CCDC73: variants seen among roughly 807,000 people sequenced by gnomAD.
CCDC73 encodes the protein coiled-coil domain-containing protein 73.
In CCDC73, 95 loss-of-function variants were observed where a neutral mutation model predicts 116.5. The observed-to-expected ratio is 0.82, with a 90% CI of 0.69 to 0.97. The LOEUF (loss-of-function observed/expected upper bound fraction) is 0.97. CCDC73 is among the 50% of genes least tolerant of loss of function. The pLI, the probability that CCDC73 is intolerant of heterozygous loss-of-function variation, is 0.00. For missense variants in CCDC73, 1,066 were observed against 1,206.8 expected (o/e 0.88, Z 1.73); for synonymous variants, 398 against 401.3 (o/e 0.99, Z 0.10).
chr11:32,775,742 T>C (rs994268686), intron 1 of CCDC73, among the ~76,000 whole-genome samples: 1 of 152,192 alleles, frequency 6.6e-6, no homozygotes, highest in African/African-American at 2.4e-5. Context: ...AATCTGTTAA[T>C]AGGTAGCTAT....
rs965130491 is a variant in CCDC73 at position 32,657,307 on chromosome 11, T to C, written c.646-2335A>G. Among the ~76,000 whole-genome samples the C allele has an allele frequency of 9.8e-5, 15 of 152,338 alleles. No individual in the cohort carries two copies. In the East Asian group the frequency reaches 2.9e-3, roughly 29 times the overall value. ...TTAGTTCAAATATCACCTTTGGATA[T>C]GTACACTGCATAAAATGACTGCTAA... On this transcript the variant is annotated intron_variant, in intron 9 of 17. Coordinates refer to ENST00000335185, the MANE Select transcript of CCDC73 (RefSeq NM_001008391.4).
At chr11:32,611,398 G>T (rs1855421217) in intron 16 of CCDC73, 133 bp from the exon 17 acceptor site, 4 of 777,686 alleles carry the variant, frequency 5.1e-6, no homozygotes, top group South Asian at 1.9e-5. Context: ...TGAATATTTT[G>T]CAGTTGTCCT....
At chr11:32,651,247 T>C (rs1855823579) in intron 12 of CCDC73, among the ~76,000 whole-genome samples, 2 of 152,266 alleles carry the variant, frequency 1.3e-5, no homozygotes, top group South Asian at 4.2e-4. Context: ...ATGCACTCAG[T>C]ACCTGGACTG....
the CCDC73 span, among the ~76,000 whole-genome samples, chr11:32,824,193 C>A: frequency 6.6e-6 from 1 of 152,124 alleles, no homozygotes; most frequent in Non-Finnish European, 1.5e-5. Context: ...CCACGCCCAG[C>A]CCCTAAAAAT....
intron 1 of CCDC73, among the ~76,000 whole-genome samples, chr11:32,776,727 C>T (rs1850534918): frequency 6.6e-6 from 1 of 151,530 alleles, no homozygotes; most frequent in African/African-American, 2.4e-5. Context: ...TTCAATATGC[C>T]TCTCCAATGG....
chr11:32,774,881 G>C (rs1850520424), intron 1 of CCDC73, among the ~76,000 whole-genome samples: 1 of 152,102 alleles, frequency 6.6e-6, no homozygotes, highest in Non-Finnish European at 1.5e-5. Context: ...AGTGTGATAA[G>C]CACTAGAACA....
intron 9 of CCDC73, among the ~76,000 whole-genome samples, chr11:32,662,184 C>T (rs1203562362): frequency 3.3e-5 from 5 of 152,188 alleles, no homozygotes; most frequent in African/African-American, 1.2e-4. Context: ...CTTTATAATC[C>T]TTTGGGTATA....
chr11:32,618,822 G>A (rs1321802743), intron 14 of CCDC73, among the ~76,000 whole-genome samples: 1 of 152,146 alleles, frequency 6.6e-6, no homozygotes, highest in Admixed American at 6.5e-5. Context: ...AATGTGCTGG[G>A]ATTACAGGCA....
At chr11:32,722,815 A>AT (rs1850001138) in intron 2 of CCDC73, among the ~76,000 whole-genome samples, 1 of 152,126 alleles carries the variant, frequency 6.6e-6, no homozygotes. Context: ...AGTACTTTTT[A>AT]TTTATTGATT....
In CCDC73 at chr11:32,616,187, G is replaced by A. The variant is rs535469770; in HGVS notation, c.1186-58C>T. On this transcript the variant is annotated intron_variant, in intron 14 of 17. Transcript: ENST00000335185. ...CATTGCCTACAAGTATAAAACATTT[G>A]AGCAAATGTGATAAATGTGGAATCT... 12 of 1,443,120 alleles carry A rather than the reference G, an allele frequency of 8.3e-6. No individual in the cohort carries two copies. The African/African-American group carries it at 8.7e-5, about 11-fold the overall frequency. 89.4% of individuals were successfully genotyped at this position (1,443,120 alleles called of 1,614,324 possible). A position where few individuals can be genotyped will look rare whatever the true frequency, so the allele number is the denominator to read the frequency against.
At chr11:32,729,187 T>A (rs1850054681) in intron 2 of CCDC73, among the ~76,000 whole-genome samples, 1 of 152,166 alleles carries the variant, frequency 6.6e-6, no homozygotes, top group African/African-American at 2.4e-5. Context: ...CCTGCCCTAA[T>A]AGGCTCCAGT....
chr11:32,648,406 T>C (rs913240432), intron 12 of CCDC73, among the ~76,000 whole-genome samples: 8 of 152,238 alleles, frequency 5.3e-5, no homozygotes, highest in African/African-American at 1.4e-4. Flanking sequence ...GACCAGGCAA[T>C]ATCTAAACTT....
At position 32,613,744 on chromosome 11, in the gene CCDC73, G is replaced by A. The variant is rs201555986; in HGVS notation, c.2574C>T (p.Phe858=). Reference sequence around the variant, plus strand: ...GTGATTCCTCCAGCTGTCCTTCACTGAACATTTTTCCTGAAACAATGTCAT... The same window carrying A: ...GTGATTCCTCCAGCTGTCCTTCACTAAACATTTTTCCTGAAACAATGTCAT... ...SLNDIVSGKM[F]SEGQLEESHS... Residue 858 remains phenylalanine, a synonymous_variant, in exon 16 of 18, where the codon TTC becomes TTT. Transcript: ENST00000335185. 692 of 1,613,852 alleles carry A rather than the reference G, an allele frequency of 4.3e-4. 1 individual carries two copies. The highest frequency in any genetic ancestry group is 5.6e-4 in the Non-Finnish European group (664 of 1,179,960).
intron 14 of CCDC73, among the ~76,000 whole-genome samples, chr11:32,631,319 A>G (rs1001183000): frequency 2.0e-5 from 3 of 152,242 alleles, no homozygotes; most frequent in Non-Finnish European, 4.4e-5. Context: ...ATTCACCAAG[A>G]TAGATAATAC....
intron 2 of CCDC73, among the ~76,000 whole-genome samples, chr11:32,735,020 C>G (rs1262629291): frequency 1.3e-5 from 2 of 152,170 alleles, no homozygotes; most frequent in Non-Finnish European, 2.9e-5. Flanking sequence ...GGATGTATCT[C>G]AAAATAATAA....
At chr11:32,809,695 T>C in the CCDC73 span, among the ~76,000 whole-genome samples, 1 of 152,172 alleles carries the variant, frequency 6.6e-6, no homozygotes, top group African/African-American at 2.4e-5. Flanking sequence ...GGGGGAGGAA[T>C]ATATACATTT....
chr11:32,684,255 G>A (rs899179146), intron 6 of CCDC73, among the ~76,000 whole-genome samples: 3 of 151,942 alleles, frequency 2.0e-5, no homozygotes, highest in Non-Finnish European at 4.4e-5. Flanking sequence ...GTCCCACTAT[G>A]TTGCCCAAGC....
intron 6 of CCDC73, among the ~76,000 whole-genome samples, chr11:32,693,428 C>T (rs1041656396): frequency 7.9e-5 from 12 of 152,174 alleles, no homozygotes; most frequent in Non-Finnish European, 1.3e-4. Flanking sequence ...GTATCCTATA[C>T]ATCTACCTGT....
intron 2 of CCDC73, among the ~76,000 whole-genome samples, chr11:32,759,373 C>T (rs1431693827): frequency 1.3e-5 from 2 of 149,960 alleles, no homozygotes; most frequent in Non-Finnish European, 3.0e-5. Flanking sequence ...CTCCGTCACC[C>T]AGGCTGTAGT....
Sources: allele counts gnomAD v4.1 joint callset (sites outside exome capture counted in the v4.1 genomes callset), GRCh38; gene constraint gnomAD v4.1.1; transcripts MANE v1.5; gene names NCBI Gene and HGNC (gene_info 2026-07-23, HGNC 2026-07-21).